Variants in LARGE1 observed in about 807,000 individuals in gnomAD.
LARGE1 encodes LARGE xylosyl- and glucuronyltransferase 1.
LARGE1 carries 43 observed loss-of-function variants against 87.6 expected under a neutral mutation model. That is an observed-to-expected ratio of 0.49 (90% CI 0.38 to 0.63). LARGE1 has a LOEUF of 0.63. Among genes scored for constraint, LARGE1 ranks in the 30% least tolerant of loss-of-function variants. LARGE1 has a pLI of 0.00. For missense variants in LARGE1, 802 were observed against 1,000.2 expected, an observed-to-expected ratio of 0.80 and a Z score of 2.67; for synonymous variants, 434 against 394.6, an observed-to-expected ratio of 1.10 and a Z score of -1.18.
intron 13 of LARGE1, 82 bp downstream of exon 13, chr22:33,283,120 A>T: frequency 6.4e-7 from 1 of 1,569,262 alleles, no homozygotes; most frequent in Non-Finnish European, 8.8e-7. Context: ...AAACTTCCAG[A>T]TCGATAGCTT....
chr22:33,708,157 G>C (rs2082617451), intron 2 of LARGE1, among the ~76,000 whole-genome samples: 1 of 151,562 alleles, frequency 6.6e-6, no homozygotes, highest in South Asian at 2.1e-4. Flanking sequence ...GAGGAGAAAA[G>C]AGTGTTTTCA....
chr22:33,231,508 G>C (rs561375192), intron 11 of LARGE1, among the ~76,000 whole-genome samples: 93 of 152,322 alleles, frequency 6.1e-4, no homozygotes, highest in African/African-American at 2.1e-3. Context: ...ATACAAGTTA[G>C]CATAGGGTGC....
At chr22:33,651,297 C>T (rs1349560658) in intron 2 of LARGE1, among the ~76,000 whole-genome samples, 1 of 131,934 alleles carries the variant, frequency 7.6e-6, no homozygotes, top group Admixed American at 8.6e-5. Context: ...GAGGCTGAGG[C>T]AGGATAATGG....
chr22:33,748,766 T>C (rs73170570), intron 2 of LARGE1, among the ~76,000 whole-genome samples: 8,708 of 152,254 alleles, frequency 0.057, 419 homozygotes, highest in African/African-American at 0.12. Context: ...ATGAAATAAT[T>C]TAATTTTCTC....
At chr22:33,512,771 C>CCA (rs1360094069) in intron 6 of LARGE1, among the ~76,000 whole-genome samples, 2 of 152,112 alleles carry the variant, frequency 1.3e-5, no homozygotes, top group East Asian at 3.9e-4. Flanking sequence ...CCACTACACT[C>CCA]CAGCCTAGGT....
intron 2 of LARGE1, among the ~76,000 whole-genome samples, chr22:33,730,239 G>C (rs2149475907): frequency 6.6e-6 from 1 of 152,184 alleles, no homozygotes; most frequent in Non-Finnish European, 1.5e-5. Context: ...TCCTTTTGAT[G>C]TTCTTAATAA....
At chr22:33,900,095 C>G (rs996374409) in intron 1 of LARGE1, among the ~76,000 whole-genome samples, 5 of 152,146 alleles carry the variant, frequency 3.3e-5, no homozygotes. Context: ...CTCATGAAAA[C>G]AAACCAAAAA....
At chr22:33,091,864 GA>G in the LARGE1 span, among the ~76,000 whole-genome samples, 1 of 152,142 alleles carries the variant, frequency 6.6e-6, no homozygotes, top group South Asian at 2.1e-4. Flanking sequence ...GTTAATTTCA[GA>G]AATAGTCTTC....
At chr22:33,863,191 C>T (rs932717116) in intron 1 of LARGE1, among the ~76,000 whole-genome samples, 7 of 152,126 alleles carry the variant, frequency 4.6e-5, no homozygotes, top group Admixed American at 2.6e-4. Context: ...TTATCTCGGG[C>T]GTGCCACCTC....
At chr22:33,399,017 T>C (rs1477888700) in intron 7 of LARGE1, among the ~76,000 whole-genome samples, 1 of 152,198 alleles carries the variant, frequency 6.6e-6, no homozygotes, top group African/African-American at 2.4e-5. Context: ...GGATACAACA[T>C]GCAGGTTTGT....
intron 6 of LARGE1, among the ~76,000 whole-genome samples, chr22:33,465,434 CA>C (rs1328136936): frequency 2.0e-5 from 3 of 152,144 alleles, no homozygotes. Flanking sequence ...ACTCTTTAAA[CA>C]GAATGTAAAC....
intron 7 of LARGE1, among the ~76,000 whole-genome samples, chr22:33,413,172 T>C (rs2066371234): frequency 6.6e-6 from 1 of 152,192 alleles, no homozygotes; most frequent in Admixed American, 6.5e-5. Context: ...CCTTTGGCAG[T>C]AATCTAGAAC....
At chr22:33,739,238 G>A (rs968694834) in intron 2 of LARGE1, among the ~76,000 whole-genome samples, 8 of 152,142 alleles carry the variant, frequency 5.3e-5, no homozygotes, top group Non-Finnish European at 1.0e-4. Flanking sequence ...GGTGCACACC[G>A]GCAGGACCAG....
intron 12 of LARGE1, among the ~76,000 whole-genome samples, chr22:33,290,851 C>T (rs997037364): frequency 2.6e-5 from 4 of 152,080 alleles, no homozygotes; most frequent in Non-Finnish European, 5.9e-5. Flanking sequence ...CCAGCCTGAC[C>T]AACATGGTGA....
At chr22:33,857,366 C>T (rs774287793) in intron 1 of LARGE1, among the ~76,000 whole-genome samples, 1 of 152,232 alleles carries the variant, frequency 6.6e-6, no homozygotes, top group Non-Finnish European at 1.5e-5. Flanking sequence ...GCTGGGAAGC[C>T]CCAAAGGGCA....
intron 3 of LARGE1, among the ~76,000 whole-genome samples, chr22:33,627,135 T>G (rs2079946349): frequency 6.6e-6 from 1 of 152,242 alleles, no homozygotes; most frequent in Non-Finnish European, 1.5e-5. Context: ...GTGCCACGAT[T>G]GAATTACAGG....
rs370510670 is a variant in LARGE1 at position 33,568,282 on chromosome 22, C to T, written c.616-3263G>A. On this transcript the variant is annotated intron_variant, in intron 5 of 14. Coordinates refer to ENST00000397394, the MANE Select transcript of LARGE1 (RefSeq NM_133642.5). ...ACTTCCCTCCTGCCCACCAGTCTCC[C>T]GGGAGGGCAGCCCTCCAGTCAACCC... 3.3e-4 allele frequency among the ~76,000 whole-genome samples: 51 copies of T among 152,296 alleles called. No homozygotes were observed. The East Asian group carries it at 6.0e-3, about 18-fold the overall frequency.
exon 12 of LARGE1, chr22:33,162,374 C>T (rs957632019): frequency 1.3e-5 from 2 of 152,136 alleles, no homozygotes; most frequent in Non-Finnish European, 2.9e-5. Context: ...CCTTATCACA[C>T]CATCAGATCT....
chr22:33,088,689 C>T, the LARGE1 span, among the ~76,000 whole-genome samples: 1 of 152,122 alleles, frequency 6.6e-6, no homozygotes, highest in Non-Finnish European at 1.5e-5. Context: ...ATCATACTTT[C>T]GTCTGTTTGT....
Sources: allele counts gnomAD v4.1 joint callset (sites outside exome capture counted in the v4.1 genomes callset), GRCh38; gene constraint gnomAD v4.1.1; transcripts MANE v1.5; gene names NCBI Gene and HGNC (gene_info 2026-07-23, HGNC 2026-07-21).